WDR35: variants seen among roughly 807,000 people sequenced by gnomAD.
WDR35 encodes WD repeat domain 35, also known as WD repeat-containing protein 35.
A neutral mutation model predicts 158.3 loss-of-function variants in WDR35; 118 were observed. The observed-to-expected ratio is 0.75, with a 90% CI of 0.64 to 0.87. The LOEUF (loss-of-function observed/expected upper bound fraction) is 0.87. Ranked by LOEUF, WDR35 falls within the 40% of genes least tolerant of loss-of-function variation. The probability of loss-of-function intolerance (pLI) is 0.00; values close to 1 mark genes in which losing one functional copy is unlikely to be tolerated. For synonymous variants in WDR35, 448 were observed against 476.1 expected (o/e 0.94, Z 0.77); for missense variants, 1,263 against 1,405.8 (o/e 0.90, Z 1.62).
chr2:19,913,308 CAA>C lies in WDR35; in HGVS notation c.*248_*249del. Reference sequence around the variant, plus strand: ...ATCATGTAACCAAAAACAAGATAAACAAAAGAGAGAGGGTGAGAGAAAACATG... The same window carrying C: ...ATCATGTAACCAAAAACAAGATAAACAAGAGAGAGGGTGAGAGAAAACATG... On this transcript the variant is annotated 3_prime_UTR_variant, in exon 27 of 27. Transcript: ENST00000281405. 2.5e-6 allele frequency: 1 copy of C among 394,388 alleles called. No homozygotes were observed. Among genetic ancestry groups the C allele is most frequent in the Non-Finnish European group, 4.6e-6 (1 of 219,592 alleles). The allele number at this position is 394,388 out of a possible 1,614,324, so 24.4% of individuals were successfully genotyped here.
In WDR35 at chr2:19,914,260, A is replaced by G. The variant is rs1198531565; in HGVS notation, c.3139T>C (p.Tyr1047His). 1.2e-6 allele frequency: 2 copies of G among 1,614,066 alleles called. No homozygotes were observed. Among genetic ancestry groups the G allele is most frequent in the African/African-American group, 2.7e-5 (2 of 74,952 alleles). The change falls in exon 26 of 27, where the codon TAT becomes CAT. Residue 1047 changes from tyrosine to histidine, a missense_variant. By Grantham distance (83) the Tyr-to-His change is moderately conservative. Transcript: ENST00000281405. ...ALKTALHLKD[Y>H]EDIIPPVEIY... is the part of the protein sequence containing the mutation. Reference sequence around the variant, plus strand: ...TCCACAGGAGGGATGATGTCTTCATAGTCTTTCAGGTGAAGAGCTAAGAAA... The same window carrying G: ...TCCACAGGAGGGATGATGTCTTCATGGTCTTTCAGGTGAAGAGCTAAGAAA...
intron 5 of WDR35, among the ~76,000 whole-genome samples, chr2:19,976,976 C>T (rs902343011): frequency 9.2e-5 from 14 of 152,096 alleles, no homozygotes; most frequent in Non-Finnish European, 1.9e-4. Context: ...TATGCCACCA[C>T]GCCCAGATAA....
intron 10 of WDR35, among the ~76,000 whole-genome samples, chr2:19,962,085 T>C (rs1671681736): frequency 6.6e-6 from 1 of 152,214 alleles, no homozygotes; most frequent in African/African-American, 2.4e-5. Context: ...ATGGACTAAA[T>C]ATCTGTTATC....
In WDR35 at chr2:19,960,557, T is replaced by C. The variant is rs775481117; in HGVS notation, c.1252A>G (p.Ile418Val). The change falls in exon 11 of 27, where the codon ATT becomes GTT. Residue 418 changes from isoleucine to valine, a missense_variant. By Grantham distance (29) the Ile-to-Val change is conservative (BLOSUM62 3). Coordinates refer to ENST00000281405, the MANE Select transcript of WDR35 (RefSeq NM_020779.4). ...GTPLDPKYID[I>V]VPLFVAMTKT... Reference sequence around the variant, plus strand: ...ATAAATATCAACATTTCCTTACCAATATCAATGTATTTGGGATCCAAGGGT... The same window carrying C: ...ATAAATATCAACATTTCCTTACCAACATCAATGTATTTGGGATCCAAGGGT... The C allele has an allele frequency of 5.6e-6, 9 of 1,604,912 alleles. No individual in the cohort carries two copies. In the East Asian group the frequency reaches 2.0e-4, roughly 36 times the overall value.
intron 25 of WDR35, 72 bp from the exon 26 acceptor site, chr2:19,914,349 C>G: frequency 6.3e-7 from 1 of 1,592,936 alleles, no homozygotes; most frequent in Non-Finnish European, 8.6e-7. Flanking sequence ...AAAGAAGAAT[C>G]TAAGTTAAGG....
intron 5 of WDR35, among the ~76,000 whole-genome samples, chr2:19,976,623 T>C (rs369611740): frequency 6.6e-6 from 1 of 150,930 alleles, no homozygotes; most frequent in African/African-American, 2.4e-5. Flanking sequence ...TTCTGTTGTT[T>C]AAAAAAAAGA....
chr2:19,943,438 T>C (rs1427134614), intron 16 of WDR35, among the ~76,000 whole-genome samples: 1 of 152,134 alleles, frequency 6.6e-6, no homozygotes, highest in East Asian at 1.9e-4. Flanking sequence ...CCATAGCAAT[T>C]AGCATGACTT....
chr2:19,938,831 A>C (rs575406080), intron 17 of WDR35, among the ~76,000 whole-genome samples: 1 of 152,290 alleles, frequency 6.6e-6, no homozygotes, highest in East Asian at 1.9e-4. Flanking sequence ...GAACAGGTGT[A>C]CCATCCTGAC....
At chr2:19,981,179 A>T (rs544070142) in intron 3 of WDR35, among the ~76,000 whole-genome samples, 1 of 152,324 alleles carries the variant, frequency 6.6e-6, no homozygotes, top group South Asian at 2.1e-4. Flanking sequence ...GATATGTCCT[A>T]TAATCTCTCT....
At chr2:19,923,692 A>C (rs2103388902) in intron 25 of WDR35, among the ~76,000 whole-genome samples, 1 of 152,266 alleles carries the variant, frequency 6.6e-6, no homozygotes, top group African/African-American at 2.4e-5. Flanking sequence ...GACTGCTCTT[A>C]GTTCTATTCA....
At chr2:19,988,280 T>C (rs570533703) in intron 2 of WDR35, among the ~76,000 whole-genome samples, 2 of 152,190 alleles carry the variant, frequency 1.3e-5, no homozygotes, top group Non-Finnish European at 2.9e-5. Context: ...TATTTATTAT[T>C]CATACCGCAT....
At chr2:19,963,341 AC>A (rs1479911075) in intron 10 of WDR35, among the ~76,000 whole-genome samples, 8 of 151,964 alleles carry the variant, frequency 5.3e-5, no homozygotes, top group African/African-American at 1.9e-4. Context: ...CTTTTCAAGC[AC>A]ATTCTGCTTT....
At chr2:19,964,351 T>C (rs532567890) in intron 10 of WDR35, among the ~76,000 whole-genome samples, 1 of 150,116 alleles carries the variant, frequency 6.7e-6, no homozygotes, top group South Asian at 2.1e-4. Flanking sequence ...CTGTTCACTC[T>C]TTTTTTTTCT....
intron 14 of WDR35, among the ~76,000 whole-genome samples, chr2:19,947,041 A>G (rs1004141775): frequency 6.6e-6 from 1 of 152,230 alleles, no homozygotes; most frequent in South Asian, 2.1e-4. Flanking sequence ...ACTAGTTTTT[A>G]GCAAAAGGAA....
At position 19,990,094 on chromosome 2, in the gene WDR35, C is replaced by G; in HGVS notation, c.-79G>C. 1 of 1,581,552 alleles carries G rather than the reference C, an allele frequency of 6.3e-7. No individual in the cohort carries two copies. Among genetic ancestry groups the G allele is most frequent in the Non-Finnish European group, 8.6e-7 (1 of 1,160,990 alleles). On this transcript the variant is annotated 5_prime_UTR_variant, in exon 1 of 27. Coordinates refer to ENST00000281405, the MANE Select transcript of WDR35 (RefSeq NM_020779.4). ...GTTCTACGTCTCCAATCGGGAGTAC[C>G]AGCAGCTCCGGAAAGCTCCCGTCGC...
intron 13 of WDR35, among the ~76,000 whole-genome samples, chr2:19,948,694 T>C (rs1671137731): frequency 6.6e-6 from 1 of 152,106 alleles, no homozygotes; most frequent in South Asian, 2.1e-4. Flanking sequence ...TCTCAAAAGG[T>C]GACATACTAT....
intron 8 of WDR35, among the ~76,000 whole-genome samples, chr2:19,973,154 C>T (rs927303508): frequency 5.9e-5 from 9 of 152,016 alleles, no homozygotes; most frequent in African/African-American, 1.9e-4. Context: ...GAAGGACAGA[C>T]AGATATGTAT....
chr2:19,912,830 GTTTCAACA>G lies in WDR35; in HGVS notation c.*720_*727del, dbSNP rs1043330964. The G allele has an allele frequency of 6.6e-6, 1 of 152,178 alleles. No homozygotes were observed. Among genetic ancestry groups the G allele is most frequent in the African/African-American group, 2.4e-5 (1 of 41,452 alleles). 9.4% of individuals were successfully genotyped at this position (152,178 alleles called of 1,614,324 possible). On this transcript the variant is annotated 3_prime_UTR_variant, in exon 27 of 27. Transcript: ENST00000281405. ...ATAAACGGTCCAACTTAGTGACAAT[GTTTCAACA>G]GAAGCTATAACTACAAAATGGATAT...
intron 25 of WDR35, among the ~76,000 whole-genome samples, chr2:19,924,709 T>C (rs1486263973): frequency 5.3e-5 from 8 of 152,182 alleles, no homozygotes; most frequent in Admixed American, 5.2e-4. Flanking sequence ...AGGCCTGTGA[T>C]GTTATCGGAG....
Sources: gnomAD v4.1 joint callset for allele counts (sites outside exome capture counted in the v4.1 genomes callset) on GRCh38, gnomAD v4.1.1 for gene constraint, MANE v1.5 for transcripts, NCBI Gene and HGNC (gene_info 2026-07-23, HGNC 2026-07-21) for gene names.